NDUFAF6: variants seen among roughly 807,000 people sequenced by gnomAD.
NDUFAF6 encodes NADH dehydrogenase (ubiquinone) complex I, assembly factor 6.
In NDUFAF6, 45 loss-of-function variants were observed where a neutral mutation model predicts 40.8. The ratio of observed to expected loss-of-function variants is 1.10; its 90% CI spans 0.87 to 1.42. The LOEUF (loss-of-function observed/expected upper bound fraction) is 1.42, where lower values mean the gene tolerates loss of function less well. Ranked by LOEUF, NDUFAF6 falls within the 40% of genes most tolerant of loss-of-function variation. NDUFAF6 has a pLI of 0.00. For synonymous variants in NDUFAF6, 185 were observed against 155.9 expected (o/e 1.19, Z -1.39); for missense variants, 435 against 418.5 (o/e 1.04, Z -0.34).
At chr8:95,001,839 A>C (rs531106604) in intron 2 of NDUFAF6, among the ~76,000 whole-genome samples, 18 of 152,348 alleles carry the variant, frequency 1.2e-4, no homozygotes, top group Admixed American at 7.2e-4. Flanking sequence ...TGCAGATTGC[A>C]GATTTCTGTG....
intron 3 of NDUFAF6, 148 bp downstream of exon 3, chr8:95,035,724 G>A: frequency 1.3e-6 from 1 of 792,282 alleles, no homozygotes; most frequent in Non-Finnish European, 1.9e-6. Context: ...TATAGTTTTG[G>A]CACAGAAATT....
At chr8:95,032,524 G>A (rs1260484930) in intron 2 of NDUFAF6, among the ~76,000 whole-genome samples, 3 of 152,190 alleles carry the variant, frequency 2.0e-5, no homozygotes, top group African/African-American at 7.2e-5. Context: ...AGCAAACCAG[G>A]ACCTTAGATC....
chr8:94,949,143 C>CCT (rs1479330382), intron 2 of NDUFAF6: 1 of 146,202 alleles, frequency 6.8e-6, no homozygotes, highest in Non-Finnish European at 1.5e-5. Flanking sequence ...CCGCCCCCCC[C>CCT]CGGCACTTAC....
chr8:95,057,090 C>A (rs1265825872), intron 8 of NDUFAF6, among the ~76,000 whole-genome samples: 1 of 152,120 alleles, frequency 6.6e-6, no homozygotes, highest in African/African-American at 2.4e-5. Flanking sequence ...CTCTAGGGGG[C>A]GCTGCTTATG....
chr8:95,044,673 C>G (rs1216848281), intron 4 of NDUFAF6: 1 of 151,718 alleles, frequency 6.6e-6, no homozygotes, highest in African/African-American at 2.4e-5. Context: ...CTAGGCTGGT[C>G]TTGAACTCCT....
chr8:94,953,235 T>C (rs1385317338), upstream of NDUFAF6, among the ~76,000 whole-genome samples: 3 of 151,814 alleles, frequency 2.0e-5, no homozygotes, highest in Admixed American at 1.3e-4. Flanking sequence ...TAATCCCAGC[T>C]ACTCGGGAAG....
chr8:95,107,714 T>A (rs1459468884), downstream of NDUFAF6, among the ~76,000 whole-genome samples: 2 of 152,226 alleles, frequency 1.3e-5, no homozygotes, highest in Non-Finnish European at 2.9e-5. Context: ...AGTGTTTTTT[T>A]AAAATGTTAA....
At chr8:95,032,330 C>T (rs1268235333) in intron 2 of NDUFAF6, among the ~76,000 whole-genome samples, 9 of 152,056 alleles carry the variant, frequency 5.9e-5, no homozygotes, top group Admixed American at 2.0e-4. Context: ...TTTCTCTTCC[C>T]GAGGATATTA....
Position 95,058,403 on chromosome 8 carries a change from A to G in NDUFAF6, c.*466A>G. On this transcript the variant is annotated 3_prime_UTR_variant, in exon 9 of 9. Coordinates refer to ENST00000396124, the MANE Select transcript of NDUFAF6 (RefSeq NM_152416.4). The stretch of plus-strand genomic sequence containing the variant: ...TTAGGGGTCACAAATAGTGAAATTA[A>G]TATTTGAGGAATATCAGTCACGTGT... 1 of 1,232,928 alleles carries G rather than the reference A, an allele frequency of 8.1e-7. No homozygotes were observed. The highest frequency in any genetic ancestry group is 1.0e-6 in the Non-Finnish European group (1 of 988,708). The allele number at this position is 1,232,928 out of a possible 1,614,324, so 76.4% of individuals were successfully genotyped here.
intron 1 of NDUFAF6, among the ~76,000 whole-genome samples, chr8:94,924,469 GCAGA>G (rs1241471734): frequency 1.3e-5 from 2 of 152,154 alleles, no homozygotes; most frequent in Non-Finnish European, 2.9e-5. Context: ...TGCATTTACA[GCAGA>G]CAGTGTTTCA....
chr8:95,086,198 T>A (rs1232046986), intron 2 of NDUFAF6, among the ~76,000 whole-genome samples: 1 of 152,090 alleles, frequency 6.6e-6, no homozygotes, highest in Non-Finnish European at 1.5e-5. Flanking sequence ...ACTGGAAGAA[T>A]AAAAATCACC....
At chr8:95,056,324 C>T (rs1185152831) in intron 8 of NDUFAF6, among the ~76,000 whole-genome samples, 5 of 151,956 alleles carry the variant, frequency 3.3e-5, no homozygotes, top group African/African-American at 1.2e-4. Flanking sequence ...CATCCTCCCA[C>T]CTCAGCCTCC....
intron 1 of NDUFAF6, among the ~76,000 whole-genome samples, chr8:94,907,558 C>A (rs10956930): frequency 6.6e-6 from 1 of 151,972 alleles, no homozygotes; most frequent in Non-Finnish European, 1.5e-5. Context: ...GTGATTATCC[C>A]ATATACCCAA....
chr8:94,935,594 C>T (rs1405211281), intron 1 of NDUFAF6, among the ~76,000 whole-genome samples: 1 of 152,166 alleles, frequency 6.6e-6, no homozygotes, highest in Admixed American at 6.5e-5. Context: ...TCTGTCTCTG[C>T]TGGGAACCAA....
At chr8:94,910,873 CTATAG>C (rs67405861) in intron 1 of NDUFAF6, among the ~76,000 whole-genome samples, 113,881 of 151,592 alleles carry the variant, frequency 0.75, 42,858 homozygotes, top group Middle Eastern at 0.81. Context: ...TATGGTTCAT[CTATAG>C]TATAGTATAG....
intron 2 of NDUFAF6, among the ~76,000 whole-genome samples, chr8:95,009,814 T>G (rs761697095): frequency 1.3e-5 from 2 of 152,204 alleles, no homozygotes; most frequent in Admixed American, 6.5e-5. Flanking sequence ...AATATATCCC[T>G]CTATTGAACA....
intron 2 of NDUFAF6, among the ~76,000 whole-genome samples, chr8:95,006,651 C>T (rs1164002706): frequency 2.0e-5 from 3 of 151,966 alleles, no homozygotes; most frequent in Admixed American, 1.3e-4. Context: ...GAGGCTAAGG[C>T]GGGCGGATCG....
chr8:95,004,855 A>G (rs904054962), intron 2 of NDUFAF6, among the ~76,000 whole-genome samples: 1 of 152,238 alleles, frequency 6.6e-6, no homozygotes, highest in Admixed American at 6.5e-5. Flanking sequence ...GAGGGCAGGA[A>G]TTCTATTTCA....
In NDUFAF6 at chr8:95,025,071, C is replaced by T. The variant is rs1261710063; in HGVS notation, c.63C>T (p.Cys21=). 7 of 1,442,734 alleles carry T rather than the reference C, an allele frequency of 4.9e-6. No individual in the cohort carries two copies. The highest frequency in any genetic ancestry group is 6.3e-6 in the Non-Finnish European group (7 of 1,108,876). 89.4% of individuals were successfully genotyped at this position (1,442,734 alleles called of 1,614,324 possible). A position where few individuals can be genotyped will look rare whatever the true frequency, so the allele number is the denominator to read the frequency against. The change falls in exon 1 of 9, where the codon TGC becomes TGT. Residue 21 remains cysteine (C), a synonymous_variant. Coordinates refer to ENST00000396124, the MANE Select transcript of NDUFAF6 (RefSeq NM_152416.4). ...GPLRLGIPGL[C]CRRPPLGLYA... ...TGCGGCTTGGCATCCCCGGCCTGTG[C>T]TGCCGCCGGCCGCCTCTGGGTCTGT... is the stretch of plus-strand genomic sequence containing the variant.
Sources: gnomAD v4.1 joint callset for allele counts (sites outside exome capture counted in the v4.1 genomes callset) on GRCh38, gnomAD v4.1.1 for gene constraint, MANE v1.5 for transcripts, NCBI Gene and HGNC (gene_info 2026-07-23, HGNC 2026-07-21) for gene names.